Variants in TYW1B observed in about 807,000 individuals in gnomAD.
TYW1B encodes S-adenosyl-L-methionine-dependent tRNA 4-demethylwyosine synthase TYW1B.
Under a neutral mutation model 86.9 loss-of-function variants are expected in TYW1B, and 73 were observed. That is an observed-to-expected ratio of 0.84 (90% CI 0.70 to 1.02). TYW1B has a LOEUF of 1.02. Among genes scored for constraint, TYW1B ranks in the 50% least tolerant of loss-of-function variants. TYW1B has a pLI of 0.00. For missense variants in TYW1B, 637 were observed against 827.4 expected, an observed-to-expected ratio of 0.77 and a Z score of 2.82; for synonymous variants, 248 against 292.8, an observed-to-expected ratio of 0.85 and a Z score of 1.56.
intron 7 of TYW1B, among the ~76,000 whole-genome samples, chr7:72,757,539 G>A (rs999008798): frequency 1.3e-5 from 2 of 152,112 alleles, no homozygotes; most frequent in South Asian, 4.1e-4. Flanking sequence ...TACATCAGTG[G>A]CACAGAATTT....
At chr7:72,802,916 C>T (rs529727126) in intron 5 of TYW1B, among the ~76,000 whole-genome samples, 2 of 152,178 alleles carry the variant, frequency 1.3e-5, no homozygotes, top group South Asian at 2.1e-4. Flanking sequence ...CAACAGCGCT[C>T]GGCTGTCTAT....
At chr7:72,637,762 CCTAT>C (rs1227204311) in intron 11 of TYW1B, among the ~76,000 whole-genome samples, 7 of 149,764 alleles carry the variant, frequency 4.7e-5, no homozygotes, top group African/African-American at 7.3e-5. Context: ...TGATTTTTAA[CCTAT>C]TTCCTTTACT....
chr7:72,821,895 C>T (rs1158643406), intron 2 of TYW1B, among the ~76,000 whole-genome samples: 1 of 151,932 alleles, frequency 6.6e-6, no homozygotes, highest in African/African-American at 2.4e-5. Flanking sequence ...ATATGATGCT[C>T]TAAGAAAGGT....
intron 12 of TYW1B, among the ~76,000 whole-genome samples, chr7:72,622,338 C>T (rs1439453371): frequency 1.3e-5 from 2 of 152,182 alleles, no homozygotes; most frequent in African/African-American, 4.8e-5. Context: ...CTATTGATTT[C>T]GTTTAAATAA....
chr7:72,723,891 A>G (rs1365158126), intron 9 of TYW1B, among the ~76,000 whole-genome samples: 3 of 151,636 alleles, frequency 2.0e-5, no homozygotes, highest in Non-Finnish European at 2.9e-5. Context: ...AAGAAATCAC[A>G]TAACATTTTT....
chr7:72,776,433 T>C lies in TYW1B; in HGVS notation c.964+983A>G, dbSNP rs182409282. On this transcript the variant is annotated intron_variant, in intron 7 of 13. Coordinates refer to ENST00000620995, the MANE Select transcript of TYW1B (RefSeq NM_001145440.3). ...AAAATTAGCTGAGCATGGTGACATATGTCTCTAGTCCCAGCTGCTCAGGAG... is the reference window on the plus strand; with the variant it reads ...AAAATTAGCTGAGCATGGTGACATACGTCTCTAGTCCCAGCTGCTCAGGAG... Among the ~76,000 whole-genome samples, 316 of 151,506 alleles carry C rather than the reference T, an allele frequency of 2.1e-3. 2 individuals carry two copies. The highest frequency in any genetic ancestry group is 7.3e-3 in the African/African-American group (303 of 41,306).
chr7:72,678,297 T>G (rs1554447818), intron 11 of TYW1B, among the ~76,000 whole-genome samples: 1 of 152,110 alleles, frequency 6.6e-6, no homozygotes, highest in Non-Finnish European at 1.5e-5. Flanking sequence ...GGAGGGATAT[T>G]ATTTTCCACA....
intron 11 of TYW1B, among the ~76,000 whole-genome samples, chr7:72,675,694 T>C (rs1563055503): frequency 6.6e-6 from 1 of 151,932 alleles, no homozygotes; most frequent in Non-Finnish European, 1.5e-5. Context: ...ACAGTCATCA[T>C]AGTTCATCAG....
At chr7:72,769,526 C>CA (rs1787830839) in intron 7 of TYW1B, among the ~76,000 whole-genome samples, 1 of 152,046 alleles carries the variant, frequency 6.6e-6, no homozygotes. Flanking sequence ...CACAGAAATA[C>CA]AAAAAACACT....
chr7:72,800,831 T>G (rs1401598446), intron 6 of TYW1B, among the ~76,000 whole-genome samples: 1 of 151,840 alleles, frequency 6.6e-6, no homozygotes, highest in Admixed American at 6.6e-5. Flanking sequence ...ACTAGATCAA[T>G]CTAGATCTAG....
intron 11 of TYW1B, among the ~76,000 whole-genome samples, chr7:72,670,502 C>T (rs1318577708): frequency 1.3e-5 from 2 of 152,140 alleles, no homozygotes; most frequent in African/African-American, 4.8e-5. Flanking sequence ...CATGTGTTAT[C>T]ATTTAATTCC....
At chr7:72,612,608 G>A (rs112653672) in intron 13 of TYW1B, among the ~76,000 whole-genome samples, 3 of 152,124 alleles carry the variant, frequency 2.0e-5, no homozygotes, top group Admixed American at 2.0e-4. Context: ...CACCACTAAC[G>A]AGGGAGATGT....
chr7:72,679,386 G>A lies in TYW1B; in HGVS notation c.1506+15301C>T, dbSNP rs184278003. On this transcript the variant is annotated intron_variant, in intron 11 of 13. Transcript: ENST00000620995. ...AAACAATCCAAATGCCCATCTGTAG[G>A]AGGATGAATTTCTCCTACATCAGGG... Among the ~76,000 whole-genome samples, 142 of 152,276 alleles carry A rather than the reference G, an allele frequency of 9.3e-4. 1 individual carries two copies. Among genetic ancestry groups the A allele is most frequent in the Middle Eastern group, 3.4e-3 (1 of 294 alleles).
rs546895265 is a variant in TYW1B at position 72,629,828 on chromosome 7, G to A, written c.1507-831C>T. Among the ~76,000 whole-genome samples the A allele has an allele frequency of 8.9e-4, 135 of 152,136 alleles. 1 individual carries two copies. The highest frequency in any genetic ancestry group is 5.4e-3 in the Admixed American group (83 of 15,266). On this transcript the variant is annotated intron_variant, in intron 11 of 13. Coordinates refer to ENST00000620995, the MANE Select transcript of TYW1B (RefSeq NM_001145440.3). ...CTTCCGAAGGGCTGGGATTATAGGC[G>A]CACACCGAGCCAAGCTAGATTTCTG...
intron 3 of TYW1B, among the ~76,000 whole-genome samples, chr7:72,813,158 C>T (rs1314618893): frequency 3.3e-5 from 5 of 149,832 alleles, no homozygotes; most frequent in Non-Finnish European, 7.4e-5. Flanking sequence ...AACCCCAGCT[C>T]TACATACTTC....
In TYW1B at chr7:72,713,573, G is replaced by A. The variant is rs531419989; in HGVS notation, c.1370+48C>T. The stretch of plus-strand genomic sequence containing the variant: ...TAATGCCTATTAGTTTTACTTTGCA[G>A]TGAAACATAGATTCAAGCAGCATCT... On this transcript the variant is annotated intron_variant, in intron 10 of 13. Coordinates refer to ENST00000620995, the MANE Select transcript of TYW1B (RefSeq NM_001145440.3). The A allele has an allele frequency of 4.0e-6, 6 of 1,508,880 alleles. No individual in the cohort carries two copies. In the African/African-American group the frequency reaches 7.0e-5, roughly 18 times the overall value. 93.5% of individuals were successfully genotyped at this position (1,508,880 alleles called of 1,614,324 possible). A position where few individuals can be genotyped will look rare whatever the true frequency, so the allele number is the denominator to read the frequency against.
chr7:72,641,104 G>A (rs1812790213), intron 11 of TYW1B, among the ~76,000 whole-genome samples: 3 of 151,840 alleles, frequency 2.0e-5, no homozygotes, highest in Non-Finnish European at 4.4e-5. Context: ...ACAAATAAAA[G>A]GAATTATAAG....
intron 13 of TYW1B, among the ~76,000 whole-genome samples, chr7:72,594,378 A>G (rs567123148): frequency 6.6e-6 from 1 of 152,064 alleles, no homozygotes; most frequent in Non-Finnish European, 1.5e-5. Context: ...ACTATAAACA[A>G]TGGTACGCCA....
intron 13 of TYW1B, among the ~76,000 whole-genome samples, chr7:72,595,192 T>C (rs1414207073): frequency 7.2e-5 from 11 of 152,120 alleles, no homozygotes; most frequent in Non-Finnish European, 2.9e-5. Flanking sequence ...GAGGAAAAAG[T>C]AAAATAATTT....
Sources: gnomAD v4.1 joint callset for allele counts (sites outside exome capture counted in the v4.1 genomes callset) on GRCh38, gnomAD v4.1.1 for gene constraint, MANE v1.5 for transcripts, NCBI Gene and HGNC (gene_info 2026-07-23, HGNC 2026-07-21) for gene names.